Variants in ROBO1 observed in about 807,000 individuals in gnomAD.
ROBO1 encodes the protein roundabout guidance receptor 1, also known as roundabout homolog 1.
A neutral mutation model predicts 195.9 loss-of-function variants in ROBO1; 149 were observed. The observed-to-expected ratio is 0.76, with a 90% CI of 0.67 to 0.87. The LOEUF (loss-of-function observed/expected upper bound fraction) is 0.87, where lower values mean the gene tolerates loss of function less well. Among genes scored for constraint, ROBO1 ranks in the 40% least tolerant of loss-of-function variants. ROBO1 has a pLI of 0.00. For synonymous variants in ROBO1, 816 were observed against 733.2 expected (o/e 1.11, Z -1.82); for missense variants, 1,933 against 2,068.3 (o/e 0.93, Z 1.27).
chr3:79,684,817 A>G (rs1215779172), intron 1 of ROBO1, among the ~76,000 whole-genome samples: 1 of 151,982 alleles, frequency 6.6e-6, no homozygotes, highest in African/African-American at 2.4e-5. Flanking sequence ...CTGGGACTAT[A>G]GGTGCACGCT....
intron 2 of ROBO1, among the ~76,000 whole-genome samples, chr3:79,536,198 T>G (rs1484187355): frequency 1.3e-5 from 2 of 152,112 alleles, no homozygotes; most frequent in Admixed American, 1.3e-4. Flanking sequence ...ATATATCCCA[T>G]ATATCCCAGA....
intron 4 of ROBO1, among the ~76,000 whole-genome samples, chr3:78,886,740 A>G (rs1046793737): frequency 6.6e-6 from 1 of 152,158 alleles, no homozygotes; most frequent in African/African-American, 2.4e-5. Context: ...GGAATATATG[A>G]AGCCCCATTG....
At chr3:79,120,202 A>C (rs562942745) in intron 3 of ROBO1, among the ~76,000 whole-genome samples, 1 of 152,234 alleles carries the variant, frequency 6.6e-6, no homozygotes. Context: ...AAAAACAAAG[A>C]GTTAGAAATT....
intron 1 of ROBO1, among the ~76,000 whole-genome samples, chr3:79,611,443 T>C (rs1170904879): frequency 6.6e-6 from 1 of 152,050 alleles, no homozygotes; most frequent in African/African-American, 2.4e-5. Flanking sequence ...ATTTGGAATT[T>C]AAATATGAGA....
chr3:78,895,016 C>A lies in ROBO1; in HGVS notation c.499+43585G>T, dbSNP rs147258995. On this transcript the variant is annotated intron_variant, in intron 4 of 30. Coordinates refer to ENST00000464233, the MANE Select transcript of ROBO1 (RefSeq NM_002941.4). Reference sequence around the variant, plus strand: ...CACATTAATCAATGTTCAGAGGCTGCACCTCCAAAACAGAGAGTTGGCTGT... The same window carrying A: ...CACATTAATCAATGTTCAGAGGCTGAACCTCCAAAACAGAGAGTTGGCTGT... Among the ~76,000 whole-genome samples, 616 of 152,316 alleles carry A rather than the reference C, an allele frequency of 4.0e-3. 14 individuals carry two copies. Among genetic ancestry groups the A allele is most frequent in the African/African-American group, 0.013 (534 of 41,566 alleles).
intron 3 of ROBO1, among the ~76,000 whole-genome samples, chr3:78,957,739 A>T (rs1447627413): frequency 2.6e-5 from 4 of 152,200 alleles, no homozygotes; most frequent in Non-Finnish European, 5.9e-5. Flanking sequence ...TCTTCTCTTT[A>T]GGAGGCAAAT....
At chr3:79,015,745 T>C (rs1201675202) in intron 3 of ROBO1, among the ~76,000 whole-genome samples, 2 of 152,278 alleles carry the variant, frequency 1.3e-5, no homozygotes, top group South Asian at 4.1e-4. Context: ...AAGGTTATTT[T>C]TTGTAGCATC....
At position 79,460,709 on chromosome 3, in the gene ROBO1, T is replaced by C. The variant is rs186374582; in HGVS notation, c.88+129115A>G. On this transcript the variant is annotated intron_variant, in intron 2 of 30. Transcript: ENST00000464233. ...AATATAATAGCAATTTCACCTGCTTTGATTTCCCTAGCATGTTTAAGCAGT... is the reference window on the plus strand; with the variant it reads ...AATATAATAGCAATTTCACCTGCTTCGATTTCCCTAGCATGTTTAAGCAGT... Among the ~76,000 whole-genome samples, 393 of 152,352 alleles carry C rather than the reference T, an allele frequency of 2.6e-3. 2 individuals are homozygous for C. The highest frequency in any genetic ancestry group is 8.1e-3 in the African/African-American group (338 of 41,594).
At chr3:79,555,194 A>G (rs1271035051) in intron 2 of ROBO1, among the ~76,000 whole-genome samples, 5 of 152,118 alleles carry the variant, frequency 3.3e-5, no homozygotes, top group African/African-American at 9.6e-5. Flanking sequence ...ATTTAAAACT[A>G]TAAATTGGAC....
intron 5 of ROBO1, among the ~76,000 whole-genome samples, chr3:78,728,377 C>T (rs1242166690): frequency 6.6e-6 from 1 of 151,948 alleles, no homozygotes; most frequent in African/African-American, 2.4e-5. Context: ...AATGACAGCA[C>T]TGTACCCCAA....
chr3:78,864,252 G>GGTA (rs560228150), intron 4 of ROBO1, among the ~76,000 whole-genome samples: 404 of 152,156 alleles, frequency 2.7e-3, no homozygotes, highest in African/African-American at 9.3e-3. Flanking sequence ...CTTGAATGAT[G>GGTA]GTAGCTCTTA....
intron 30 of ROBO1, 56 bp downstream of exon 30, chr3:78,600,057 C>T (rs1399456282): frequency 1.1e-5 from 16 of 1,399,530 alleles, no homozygotes; most frequent in Middle Eastern, 1.8e-4. Context: ...AGGTTCCTAA[C>T]TACATAAAAC....
At chr3:78,825,275 C>T (rs2031481474) in intron 4 of ROBO1, among the ~76,000 whole-genome samples, 1 of 152,080 alleles carries the variant, frequency 6.6e-6, no homozygotes, top group South Asian at 2.1e-4. Context: ...TTGGTGTCAG[C>T]AGAAAGTATG....
chr3:78,619,684 T>G (rs535149346), intron 26 of ROBO1, among the ~76,000 whole-genome samples: 1 of 152,094 alleles, frequency 6.6e-6, no homozygotes, highest in African/African-American at 2.4e-5. Flanking sequence ...AAAGGGCATT[T>G]GGCAAAGGAT....
intron 3 of ROBO1, among the ~76,000 whole-genome samples, chr3:79,120,510 G>C (rs772144677): frequency 1.1e-4 from 16 of 152,036 alleles, no homozygotes; most frequent in South Asian, 2.1e-4. Context: ...CTTTCTGGAG[G>C]ACAGGCTTCT....
intron 2 of ROBO1, among the ~76,000 whole-genome samples, chr3:79,377,443 T>C (rs765330748): frequency 1.3e-5 from 2 of 152,248 alleles, no homozygotes; most frequent in African/African-American, 2.4e-5. Flanking sequence ...TATTTGAATA[T>C]GAAATGATTT....
At chr3:79,187,424 T>A (rs1242926014) in intron 2 of ROBO1, among the ~76,000 whole-genome samples, 4 of 152,082 alleles carry the variant, frequency 2.6e-5, no homozygotes, top group South Asian at 2.1e-4. Flanking sequence ...TCTGAAATAC[T>A]ACTTGATAGT....
At chr3:78,674,355 A>G (rs996530013) in intron 10 of ROBO1, among the ~76,000 whole-genome samples, 4 of 152,214 alleles carry the variant, frequency 2.6e-5, no homozygotes, top group African/African-American at 4.8e-5. Context: ...CTAAAGACGA[A>G]TAGTATCCCC....
chr3:78,712,323 A>C (rs1341069953), intron 8 of ROBO1, among the ~76,000 whole-genome samples: 1 of 152,146 alleles, frequency 6.6e-6, no homozygotes, highest in African/African-American at 2.4e-5. Context: ...TAACAATACA[A>C]TTACACTACT....
Sources: allele counts gnomAD v4.1 joint callset (sites outside exome capture counted in the v4.1 genomes callset), GRCh38; gene constraint gnomAD v4.1.1; transcripts MANE v1.5; gene names NCBI Gene and HGNC (gene_info 2026-07-23, HGNC 2026-07-21).